Variants in ERC2 observed in about 807,000 individuals in gnomAD.
The protein encoded by ERC2 is ERC protein 2.
Under a neutral mutation model 114.8 loss-of-function variants are expected in ERC2, and 42 were observed. The ratio of observed to expected loss-of-function variants is 0.37; its 90% confidence interval spans 0.29 to 0.47. The LOEUF (loss-of-function observed/expected upper bound fraction) is 0.47, where lower values mean the gene tolerates loss of function less well. Ranked by LOEUF, ERC2 falls within the 20% of genes least tolerant of loss-of-function variation. The pLI, the probability that ERC2 is intolerant of heterozygous loss-of-function variation, is 0.99. For missense variants in ERC2, 939 were observed against 1,150.7 expected (o/e 0.82, Z 2.66); for synonymous variants, 454 against 425.5 (o/e 1.07, Z -0.82).
intron 2 of ERC2, among the ~76,000 whole-genome samples, chr3:56,367,244 G>C (rs547822965): frequency 9.3e-5 from 14 of 151,174 alleles, no homozygotes; most frequent in African/African-American, 3.4e-4. Flanking sequence ...GAATAAGATT[G>C]CTCAGGCCCA....
At chr3:55,792,341 T>C (rs891335781) in intron 14 of ERC2, among the ~76,000 whole-genome samples, 2 of 152,204 alleles carry the variant, frequency 1.3e-5, no homozygotes, top group South Asian at 4.1e-4. Flanking sequence ...AAGGTATTGT[T>C]TAGCTCTCGA....
chr3:55,691,555 A>C (rs2062644179), intron 16 of ERC2, among the ~76,000 whole-genome samples: 1 of 42,606 alleles, frequency 2.3e-5, no homozygotes, highest in South Asian at 8.8e-4. Flanking sequence ...AAAAAAAAAA[A>C]AAAAAAAAAA....
At chr3:55,985,326 G>A (rs1195649860) in intron 12 of ERC2, among the ~76,000 whole-genome samples, 1 of 152,128 alleles carries the variant, frequency 6.6e-6, no homozygotes, top group Non-Finnish European at 1.5e-5. Context: ...CAATGAATCA[G>A]GTCTTACACT....
At chr3:56,059,891 T>C (rs2076177419) in intron 7 of ERC2, among the ~76,000 whole-genome samples, 1 of 152,146 alleles carries the variant, frequency 6.6e-6, no homozygotes, top group Admixed American at 6.5e-5. Context: ...CCAGTAGAGG[T>C]TATATTGACT....
chr3:56,425,318 G>C (rs976917294), intron 2 of ERC2, among the ~76,000 whole-genome samples: 2 of 152,114 alleles, frequency 1.3e-5, no homozygotes, highest in South Asian at 2.1e-4. Flanking sequence ...AAGATGTAAG[G>C]CTCTCTTGAC....
At chr3:56,343,940 G>A (rs1170706960) in intron 2 of ERC2, among the ~76,000 whole-genome samples, 3 of 151,980 alleles carry the variant, frequency 2.0e-5, no homozygotes, top group Admixed American at 6.6e-5. Flanking sequence ...AACAAAGAAA[G>A]GATTACTTAT....
intron 14 of ERC2, among the ~76,000 whole-genome samples, chr3:55,855,372 T>C (rs921537010): frequency 6.6e-6 from 1 of 152,266 alleles, no homozygotes; most frequent in Non-Finnish European, 1.5e-5. Flanking sequence ...AAGTGTAATT[T>C]GATTTACAAC....
rs2052043968 is a variant in ERC2 at position 55,511,244 on chromosome 3, C to T, written c.*72G>A. 6.6e-6 allele frequency: 1 copy of T among 152,626 alleles called. No homozygotes were observed. Among genetic ancestry groups the T allele is most frequent in the Admixed American group, 6.5e-5 (1 of 15,280 alleles). 9.5% of individuals were successfully genotyped at this position (152,626 alleles called of 1,614,324 possible). A position where few individuals can be genotyped will look rare whatever the true frequency, so the allele number is the denominator to read the frequency against. ...ACATTATCAGAATATTGCTGCAGAG[C>T]TGCATGTTCCCTTTATTCAGCCCTT... On this transcript the variant is annotated 3_prime_UTR_variant, in exon 18 of 18. Transcript: ENST00000288221.
chr3:56,383,266 T>C (rs1224291878), intron 2 of ERC2, among the ~76,000 whole-genome samples: 1 of 152,056 alleles, frequency 6.6e-6, no homozygotes, highest in African/African-American at 2.4e-5. Flanking sequence ...CGCCCTTCTA[T>C]TCAAAAAACC....
At chr3:56,163,750 A>G (rs529756928) in intron 4 of ERC2, among the ~76,000 whole-genome samples, 4 of 152,096 alleles carry the variant, frequency 2.6e-5, no homozygotes, top group East Asian at 1.9e-4. Context: ...CTTGGAGCCT[A>G]TGTGTGTTGT....
At chr3:56,230,677 TTATG>T (rs2050561197) in intron 3 of ERC2, among the ~76,000 whole-genome samples, 1 of 152,220 alleles carries the variant, frequency 6.6e-6, no homozygotes, top group African/African-American at 2.4e-5. Flanking sequence ...TATTGCAGAA[TTATG>T]TATGTAAGAA....
chr3:56,118,552 T>C (rs542019279), intron 6 of ERC2, among the ~76,000 whole-genome samples: 2 of 152,168 alleles, frequency 1.3e-5, no homozygotes, highest in South Asian at 4.1e-4. Context: ...CTTTTCCATG[T>C]ACTAATTTGT....
intron 7 of ERC2, among the ~76,000 whole-genome samples, chr3:56,019,715 C>A (rs1027462008): frequency 6.6e-6 from 1 of 152,168 alleles, no homozygotes; most frequent in Admixed American, 6.6e-5. Context: ...GAAATAAACA[C>A]GCCAAATAGC....
chr3:55,786,338 T>C (rs1429726928), intron 14 of ERC2, among the ~76,000 whole-genome samples: 2 of 152,242 alleles, frequency 1.3e-5, no homozygotes, highest in African/African-American at 4.8e-5. Flanking sequence ...AAATGCTGAC[T>C]TGATGCCAAG....
chr3:55,751,285 T>C (rs1349490467), intron 14 of ERC2, among the ~76,000 whole-genome samples: 1 of 152,182 alleles, frequency 6.6e-6, no homozygotes, highest in Non-Finnish European at 1.5e-5. Context: ...AGGATATAAG[T>C]GGAGAATAAT....
Position 56,305,943 on chromosome 3 carries a change from G to A in ERC2, c.658-9508C>T, listed in dbSNP as rs552790193. Among the ~76,000 whole-genome samples, 11 of 152,162 alleles carry A rather than the reference G, an allele frequency of 7.2e-5. No individual in the cohort carries two copies. In the East Asian group the frequency reaches 1.7e-3, roughly 24 times the overall value. ...CAGCTCACTGCATCCTCCACCTCCC[G>A]GGTTCAAGTAAGTCTCATGCCTCGG... is the stretch of plus-strand genomic sequence containing the variant. On this transcript the variant is annotated intron_variant, in intron 2 of 17. Coordinates refer to ENST00000288221, the MANE Select transcript of ERC2 (RefSeq NM_015576.3).
intron 2 of ERC2, among the ~76,000 whole-genome samples, chr3:56,386,809 T>C (rs563214250): frequency 6.6e-6 from 1 of 152,326 alleles, no homozygotes; most frequent in East Asian, 1.9e-4. Context: ...AATATAATGC[T>C]AATTATACAG....
At chr3:56,370,940 T>A (rs754571490) in intron 2 of ERC2, among the ~76,000 whole-genome samples, 3 of 152,216 alleles carry the variant, frequency 2.0e-5, no homozygotes, top group Non-Finnish European at 4.4e-5. Context: ...TTAATTGTTC[T>A]CATTTTTGCC....
chr3:55,833,561 AG>A (rs1332647575), intron 14 of ERC2, among the ~76,000 whole-genome samples: 1 of 152,232 alleles, frequency 6.6e-6, no homozygotes, highest in Non-Finnish European at 1.5e-5. Flanking sequence ...GCAAATGCTG[AG>A]AGATTTTGTC....
Sources: allele counts gnomAD v4.1 joint callset (sites outside exome capture counted in the v4.1 genomes callset), GRCh38; gene constraint gnomAD v4.1.1; transcripts MANE v1.5; gene names NCBI Gene and HGNC (gene_info 2026-07-23, HGNC 2026-07-21).